HEATR5B: variants seen among roughly 807,000 people sequenced by gnomAD.
The protein encoded by HEATR5B is HEAT repeat containing 5B, also known as HEAT repeat-containing protein 5B.
A neutral mutation model predicts 224.1 loss-of-function variants in HEATR5B; 156 were observed. The ratio of observed to expected loss-of-function variants is 0.70; its 90% CI spans 0.61 to 0.80. The LOEUF (loss-of-function observed/expected upper bound fraction) is 0.80, where lower values mean the gene tolerates loss of function less well. HEATR5B is among the 30% of genes least tolerant of loss of function. The probability of loss-of-function intolerance (pLI) is 0.00; values close to 1 mark genes in which losing one functional copy is unlikely to be tolerated. For synonymous variants in HEATR5B, 1,027 were observed against 893.0 expected, an observed-to-expected ratio of 1.15 and a Z score of -2.68; for missense variants, 2,323 against 2,535.5, an observed-to-expected ratio of 0.92 and a Z score of 1.80.
intron 26 of HEATR5B, 143 bp downstream of exon 26, chr2:37,019,666 A>G (rs1668345732): frequency 3.4e-6 from 2 of 585,432 alleles, no homozygotes; most frequent in Admixed American, 3.1e-5. Flanking sequence ...CATGTTGGCC[A>G]GGCTGATCTC....
intron 5 of HEATR5B, among the ~76,000 whole-genome samples, chr2:37,073,864 C>T (rs1042287781): frequency 6.6e-6 from 1 of 152,078 alleles, no homozygotes; most frequent in Admixed American, 6.6e-5. Context: ...ACACTTATTA[C>T]AAAGGAACTG....
chr2:37,037,222 T>G (rs1669550449), intron 21 of HEATR5B, among the ~76,000 whole-genome samples: 1 of 146,452 alleles, frequency 6.8e-6, no homozygotes, highest in East Asian at 2.1e-4. Flanking sequence ...CTCGGCTCAC[T>G]GCAACCTCCG....
At chr2:37,007,581 C>T (rs897636959) in intron 28 of HEATR5B, among the ~76,000 whole-genome samples, 3 of 151,904 alleles carry the variant, frequency 2.0e-5, no homozygotes, top group Admixed American at 6.6e-5. Flanking sequence ...TCAATCCACC[C>T]GCCTCAGCCT....
At position 37,065,801 on chromosome 2, in the gene HEATR5B, C is replaced by T. The variant is rs780179239; in HGVS notation, c.1287G>A (p.Gln429=). Residue 429 remains glutamine (Q), a synonymous_variant, in exon 9 of 36, where the codon CAG becomes CAA. Coordinates refer to ENST00000233099, the MANE Select transcript of HEATR5B (RefSeq NM_019024.3). ...GAGGGGATGCGGTGGCATTCAAGCT[C>T]TGCACCAGGCTCCCGAGTTCCTGGA... ...CALQELGSLV[Q]SLNATASPLI... 3.1e-6 allele frequency: 5 copies of T among 1,614,006 alleles called. No homozygotes were observed. The Admixed American group carries it at 8.3e-5, about 27-fold the overall frequency.
At chr2:37,051,760 G>C (rs1670565291) in intron 17 of HEATR5B, among the ~76,000 whole-genome samples, 1 of 151,080 alleles carries the variant, frequency 6.6e-6, no homozygotes, top group Non-Finnish European at 1.5e-5. Context: ...TTTTTTCTGA[G>C]ACAGAGTCTT....
chr2:37,050,646 G>A (rs1451314978), intron 17 of HEATR5B, among the ~76,000 whole-genome samples: 8 of 152,206 alleles, frequency 5.3e-5, no homozygotes, highest in Non-Finnish European at 1.2e-4. Flanking sequence ...ATATTTGGAA[G>A]AGTATTTCAT....
At chr2:36,994,628 A>C (rs1355688072) in intron 33 of HEATR5B, among the ~76,000 whole-genome samples, 1 of 151,724 alleles carries the variant, frequency 6.6e-6, no homozygotes, top group African/African-American at 2.4e-5. Context: ...CAGACCTTTA[A>C]ATTCACCTCA....
At chr2:37,014,513 T>C (rs1446212001) in intron 26 of HEATR5B, among the ~76,000 whole-genome samples, 10 of 152,024 alleles carry the variant, frequency 6.6e-5, no homozygotes, top group Admixed American at 6.6e-4. Flanking sequence ...TACTCCTACG[T>C]AGAAAACAAA....
intron 2 of HEATR5B, among the ~76,000 whole-genome samples, chr2:37,080,692 A>T (rs1672502607): frequency 6.6e-6 from 1 of 152,130 alleles, no homozygotes; most frequent in Non-Finnish European, 1.5e-5. Context: ...AGGTGGAGTA[A>T]ACATTATCCT....
chr2:37,064,675 GC>G, intron 10 of HEATR5B, 64 bp downstream of exon 10: 2 of 1,543,462 alleles, frequency 1.3e-6, no homozygotes, highest in Non-Finnish European at 1.8e-6. Flanking sequence ...ACTAAACACA[GC>G]AGCGTTCCTA....
At chr2:37,020,436 A>G (rs1416268804) in intron 25 of HEATR5B, among the ~76,000 whole-genome samples, 2 of 152,180 alleles carry the variant, frequency 1.3e-5, no homozygotes, top group Non-Finnish European at 2.9e-5. Flanking sequence ...TTTATCACTA[A>G]TATGTTATCA....
Position 36,988,679 on chromosome 2 carries a change from CAAG to C in HEATR5B, c.5875_5877del (p.Leu1959del), listed in dbSNP as rs748218112. 4 of 1,614,026 alleles carry C rather than the reference CAAG, an allele frequency of 2.5e-6. No individual in the cohort carries two copies. Among genetic ancestry groups the C allele is most frequent in the Non-Finnish European group, 3.4e-6 (4 of 1,179,942 alleles). On this transcript the variant is annotated inframe_deletion, in exon 35 of 36. Coordinates refer to ENST00000233099, the MANE Select transcript of HEATR5B (RefSeq NM_019024.3). ...TCTTCACCAAGAGCAACCAGTGTTT[CAAG>C]AACTTTTATTCCTTCTTGAACCGCT...
intron 33 of HEATR5B, among the ~76,000 whole-genome samples, chr2:36,998,553 T>G (rs970666248): frequency 3.9e-5 from 6 of 152,308 alleles, no homozygotes; most frequent in African/African-American, 1.2e-4. Flanking sequence ...AGAAAATCTC[T>G]CACAGCACAC....
intron 2 of HEATR5B, 109 bp downstream of exon 2, chr2:37,083,180 C>G: frequency 8.1e-7 from 1 of 1,242,182 alleles, no homozygotes. Context: ...CTCTCAAGTT[C>G]CATAAGTGAC....
At chr2:36,996,907 T>C (rs1572757605) in intron 33 of HEATR5B, among the ~76,000 whole-genome samples, 3 of 152,094 alleles carry the variant, frequency 2.0e-5, no homozygotes, top group Admixed American at 2.0e-4. Flanking sequence ...TTTGTATTTT[T>C]AGTAGAAACG....
At chr2:36,983,742 A>G (rs546857440) in intron 35 of HEATR5B, among the ~76,000 whole-genome samples, 2 of 152,182 alleles carry the variant, frequency 1.3e-5, no homozygotes, top group East Asian at 3.9e-4. Context: ...AAAAAAGTTA[A>G]TAGTATTATA....
At chr2:36,992,995 G>C (rs1666439399) in intron 33 of HEATR5B, among the ~76,000 whole-genome samples, 1 of 152,280 alleles carries the variant, frequency 6.6e-6, no homozygotes, top group African/African-American at 2.4e-5. Context: ...AAAGTGCTGG[G>C]ATTATAGGTT....
Position 37,049,850 on chromosome 2 carries a change from T to TAAAAAAAAAAAAA in HEATR5B, c.2506-20_2506-8dup. The stretch of plus-strand genomic sequence containing the variant: ...TTTTGTTTTCAGCTAAGCCCTACAT[T>TAAAAAAAAAAAAA]AAAAAAAAAAAAAAAAAAAAGACAG... On this transcript the variant is annotated splice_polypyrimidine_tract_variant and splice_region_variant and intron_variant, in intron 17 of 35. Transcript: ENST00000233099. 2 of 1,000,686 alleles carry TAAAAAAAAAAAAA rather than the reference T, an allele frequency of 2.0e-6. No individual in the cohort carries two copies. Among genetic ancestry groups the TAAAAAAAAAAAAA allele is most frequent in the Non-Finnish European group, 2.5e-6 (2 of 789,588 alleles). The allele number at this position is 1,000,686 out of a possible 1,614,324, so 62.0% of individuals were successfully genotyped here.
chr2:37,076,450 A>G (rs544816307), intron 4 of HEATR5B, among the ~76,000 whole-genome samples: 6 of 152,314 alleles, frequency 3.9e-5, no homozygotes, highest in African/African-American at 1.4e-4. Context: ...AAAGATTTCC[A>G]GCAACCACTA....
Sources: gnomAD v4.1 joint callset for allele counts (sites outside exome capture counted in the v4.1 genomes callset) on GRCh38, gnomAD v4.1.1 for gene constraint, MANE v1.5 for transcripts, NCBI Gene and HGNC (gene_info 2026-07-23, HGNC 2026-07-21) for gene names.